Variants in WDR77 observed in about 807,000 individuals in gnomAD.
WDR77 encodes methylosome protein WDR77.
In WDR77, 31 loss-of-function variants were observed where a neutral mutation model predicts 44.0. That is an observed-to-expected ratio of 0.70 (90% CI 0.53 to 0.95). The LOEUF (loss-of-function observed/expected upper bound fraction) is 0.95, where lower values mean the gene tolerates loss of function less well. Ranked by LOEUF, WDR77 falls within the 40% of genes least tolerant of loss-of-function variation. The pLI, the probability that WDR77 is intolerant of heterozygous loss-of-function variation, is 0.00. For synonymous variants in WDR77, 186 were observed against 165.7 expected, an observed-to-expected ratio of 1.12 and a Z score of -0.94; for missense variants, 390 against 423.9, an observed-to-expected ratio of 0.92 and a Z score of 0.70.
chr1:111,444,273 C>G, intron 4 of WDR77, 149 bp from the exon 5 acceptor site: 1 of 697,878 alleles, frequency 1.4e-6, no homozygotes, highest in Non-Finnish European at 2.4e-6. Context: ...ATGGATTAGA[C>G]AAAAGCTAAG....
At chr1:111,446,969 G>A (rs887282406) in intron 4 of WDR77, 126 bp downstream of exon 4, 8 of 943,572 alleles carry the variant, frequency 8.5e-6, no homozygotes, top group Non-Finnish European at 1.3e-5. Flanking sequence ...AGATACCGGA[G>A]CCTGACTATT....
chr1:111,448,347 G>A lies in WDR77; in HGVS notation c.301+272C>T, dbSNP rs114788087. On this transcript the variant is annotated intron_variant, in intron 2 of 9. Transcript: ENST00000235090. ...GATTATGCTTGGTCTGGGCTGTGGGGGTTAAGGGGCAGGTTACACAGAAGA... is the reference window on the plus strand; with the variant it reads ...GATTATGCTTGGTCTGGGCTGTGGGAGTTAAGGGGCAGGTTACACAGAAGA... Among the ~76,000 whole-genome samples the A allele has an allele frequency of 8.7e-3, 1,324 of 152,298 alleles. 32 individuals are homozygous for A. Among genetic ancestry groups the A allele is most frequent in the African/African-American group, 0.03 (1,260 of 41,552 alleles).
Position 111,448,632 on chromosome 1 carries a change from C to T in WDR77, c.288G>A (p.Val96=), listed in dbSNP as rs569856380. 1.9e-6 allele frequency: 3 copies of T among 1,614,120 alleles called. No homozygotes were observed. Among genetic ancestry groups the T allele is most frequent in the African/African-American group, 1.3e-5 (1 of 75,044 alleles). ...ATAGTGACTCACCTGAATCGGAGGC[C>T]ACTAGAATACCTCTCTCCCCAACCC... ...LTWVGERGIL[V]ASDSGAVELW... is the part of the protein sequence containing the mutation. Residue 96 remains valine (V), a synonymous_variant, in exon 2 of 10, where the codon GTG becomes GTA. Coordinates refer to ENST00000235090, the MANE Select transcript of WDR77 (RefSeq NM_024102.4).
chr1:111,442,130 C>G (rs1475922356), intron 8 of WDR77, 37 bp from the exon 9 acceptor site: 1 of 1,602,628 alleles, frequency 6.2e-7, no homozygotes, highest in Admixed American at 1.7e-5. Flanking sequence ...AAGGTCCAGC[C>G]TGGATCCCAA....
Position 111,449,253 on chromosome 1 carries a change from C to G in WDR77, c.-84G>C. On this transcript the variant is annotated 5_prime_UTR_variant, in exon 1 of 10. Coordinates refer to ENST00000235090, the MANE Select transcript of WDR77 (RefSeq NM_024102.4). ...CGGCAGCAAACCCCACGTGGTGCAC[C>G]TCTGAGCCTCCGCCCCTCTCCCGAG... 1 of 1,536,548 alleles carries G rather than the reference C, an allele frequency of 6.5e-7. No homozygotes were observed. The highest frequency in any genetic ancestry group is 1.4e-5 in the African/African-American group (1 of 73,182).
chr1:111,448,135 T>C (rs1214459137), intron 2 of WDR77, among the ~76,000 whole-genome samples: 1 of 151,848 alleles, frequency 6.6e-6, no homozygotes, highest in Non-Finnish European at 1.5e-5. Context: ...TATCAAAAAC[T>C]GGGACTTTAA....
chr1:111,447,703 T>C, intron 2 of WDR77, 127 bp from the exon 3 acceptor site: 1 of 1,112,054 alleles, frequency 9.0e-7, no homozygotes, highest in South Asian at 1.4e-5. Context: ...AAAAGCAAAG[T>C]CCACATCATT....
chr1:111,447,069 A>T (rs769531588), intron 4 of WDR77, 26 bp downstream of exon 4: 1 of 1,613,582 alleles, frequency 6.2e-7, no homozygotes, highest in Non-Finnish European at 8.5e-7. Flanking sequence ...AGCTAACACC[A>T]GGGCTAAAAA....
chr1:111,441,926 G>C (rs1652832692), intron 9 of WDR77, 99 bp downstream of exon 9: 1 of 1,176,240 alleles, frequency 8.5e-7, no homozygotes, highest in Non-Finnish European at 1.2e-6. Context: ...TGGAGAATCT[G>C]TTCTCCAAAA....
Position 111,447,484 on chromosome 1 carries a change from T to G in WDR77, c.394A>C (p.Ser132Arg). ...GCTTGTGTGCCAGAGCTCAAGACACTGACTGTAGACACAATGTCATCATGC... is the reference window on the plus strand; with the variant it reads ...GCTTGTGTGCCAGAGCTCAAGACACGGACTGTAGACACAATGTCATCATGC... ...YEHDDIVSTV[S>R]VLSSGTQAVS... The change falls in exon 3 of 10, where the codon AGT (serine) becomes CGT (arginine). Residue 132 changes from serine (S) to arginine (R), a missense_variant. Transcript: ENST00000235090. The G allele has an allele frequency of 6.2e-7, 1 of 1,614,214 alleles. No homozygotes were observed.
chr1:111,448,551 C>A, intron 2 of WDR77, 68 bp downstream of exon 2: 1 of 1,593,966 alleles, frequency 6.3e-7, no homozygotes, highest in East Asian at 2.2e-5. Flanking sequence ...CTCAACCCTA[C>A]GGTACCCCAA....
chr1:111,441,210 C>T lies in WDR77; in HGVS notation c.*20G>A, dbSNP rs777969250. 3.4e-6 allele frequency: 5 copies of T among 1,471,432 alleles called. No individual in the cohort carries two copies. Among genetic ancestry groups the T allele is most frequent in the South Asian group, 2.9e-5 (2 of 68,870 alleles). 91.1% of individuals were successfully genotyped at this position (1,471,432 alleles called of 1,614,324 possible). Reference sequence around the variant, plus strand: ...GAAGTGGACACTCATGGGGGACTTGCTTTTTGTCTTAAATCCAATCTACTC... The same window carrying T: ...GAAGTGGACACTCATGGGGGACTTGTTTTTTGTCTTAAATCCAATCTACTC... On this transcript the variant is annotated 3_prime_UTR_variant, in exon 10 of 10. Transcript: ENST00000235090.
chr1:111,442,857 ATTCTGAGCATCAGT>A, intron 7 of WDR77, 96 bp from the exon 8 acceptor site: 1 of 786,464 alleles, frequency 1.3e-6, no homozygotes, highest in Non-Finnish European at 1.9e-6. Context: ...AAAGTTAACC[ATTCTGAGCATCAGT>A]TTTCTCTTTT....
Position 111,447,550 on chromosome 1 carries a change from C to T in WDR77, c.328G>A (p.Glu110Lys). The T allele has an allele frequency of 1.2e-6, 2 of 1,614,230 alleles. No individual in the cohort carries two copies. Among genetic ancestry groups the T allele is most frequent in the Middle Eastern group, 1.6e-4 (1 of 6,062 alleles). The change falls in exon 3 of 10, where the codon GAG (glutamate) becomes AAG (lysine). Residue 110 changes from glutamate to lysine, a missense_variant. By Grantham distance (56) the Glu-to-Lys change is moderately conservative. Transcript: ENST00000235090. ...SGAVELWELDENETLIVSKFC... is the reference protein window; with the variant it reads ...SGAVELWELDKNETLIVSKFC... ...TTGCTGACAATAAGTGTCTCATTCT[C>T]ATCTAGTTCCCACAATTCAACAGCA...
intron 6 of WDR77, 142 bp downstream of exon 6, chr1:111,443,725 A>G: frequency 6.7e-7 from 1 of 1,491,302 alleles, no homozygotes; most frequent in Non-Finnish European, 8.9e-7. Flanking sequence ...GCAGAGCCTC[A>G]CTGGAAAAGA....
intron 8 of WDR77, 33 bp from the exon 9 acceptor site, chr1:111,442,126 C>T (rs1652840203): frequency 6.2e-7 from 1 of 1,602,788 alleles, no homozygotes; most frequent in Admixed American, 1.7e-5. Flanking sequence ...GTGAAAGGTC[C>T]AGCCTGGATC....
rs1003137740 is a variant in WDR77, at chr1:111,443,996, G to C, written c.564+58C>G. ...TGCAGGCCAGAAAGTCTCCCCACTA[G>C]AGACTTTGGCCTATGGATGGCTGGA... On this transcript the variant is annotated intron_variant, in intron 5 of 9. Transcript: ENST00000235090. 6.8e-6 allele frequency: 11 copies of C among 1,613,462 alleles called. No individual in the cohort carries two copies. In the African/African-American group the frequency reaches 1.1e-4, roughly 16 times the overall value.
At chr1:111,447,039 A>G (rs1571369297) in intron 4 of WDR77, 56 bp downstream of exon 4, 1 of 1,597,318 alleles carries the variant, frequency 6.3e-7, no homozygotes, top group African/African-American at 1.3e-5. Context: ...AGCAAAGTTC[A>G]AAAAGTCCAA....
rs139244945 is a variant in WDR77 at position 111,448,508 on chromosome 1, C to T, written c.301+111G>A. 3,441 of 1,323,194 alleles carry T rather than the reference C, an allele frequency of 2.6e-3. 63 individuals are homozygous for T. The African/African-American group carries it at 0.041, about 16-fold the overall frequency. The allele number at this position is 1,323,194 out of a possible 1,614,324, so 82.0% of individuals were successfully genotyped here. A position where few individuals can be genotyped will look rare whatever the true frequency, so the allele number is the denominator to read the frequency against. ...TCGGGGCCAACACTCTCAGGCTCCT[C>T]CAAGCACTGAGTATAGGACGTTAGA... is the stretch of plus-strand genomic sequence containing the variant. On this transcript the variant is annotated intron_variant, in intron 2 of 9. Transcript: ENST00000235090.
Sources: allele counts gnomAD v4.1 joint callset (sites outside exome capture counted in the v4.1 genomes callset), GRCh38; gene constraint gnomAD v4.1.1; transcripts MANE v1.5; gene names NCBI Gene and HGNC (gene_info 2026-07-23, HGNC 2026-07-21).